The following MCM5 variants were observed in gnomAD, a reference collection of about 807,000 sequenced individuals.
The protein encoded by MCM5 is DNA replication licensing factor MCM5.
MCM5 carries 46 observed loss-of-function variants against 79.9 expected under a neutral mutation model. The ratio of observed to expected loss-of-function variants is 0.58; its 90% CI spans 0.45 to 0.74. The LOEUF (loss-of-function observed/expected upper bound fraction) is 0.74. Ranked by LOEUF, MCM5 falls within the 30% of genes least tolerant of loss-of-function variation. MCM5 has a pLI of 0.00. For synonymous variants in MCM5, 404 were observed against 390.5 expected (o/e 1.03, Z -0.41); for missense variants, 883 against 1,017.0 (o/e 0.87, Z 1.79).
chr22:35,450,513 C>T, the MCM5 span, among the ~76,000 whole-genome samples: 1 of 152,202 alleles, frequency 6.6e-6, no homozygotes, highest in Non-Finnish European at 1.5e-5. Context: ...ACTCGCCCGC[C>T]TGACTCCGCC....
At chr22:35,448,927 T>C in the MCM5 span, among the ~76,000 whole-genome samples, 1 of 152,126 alleles carries the variant, frequency 6.6e-6, no homozygotes, top group African/African-American at 2.4e-5. Flanking sequence ...AATGGGGACC[T>C]GTAATGCCCA....
chr22:35,436,459 A>T, the MCM5 span, among the ~76,000 whole-genome samples: 1 of 152,202 alleles, frequency 6.6e-6, no homozygotes, highest in African/African-American at 2.4e-5. Context: ...GCAAGGCTTT[A>T]TTGAAAGCTG....
chr22:35,430,451 A>G, the MCM5 span, among the ~76,000 whole-genome samples: 1 of 151,632 alleles, frequency 6.6e-6, no homozygotes, highest in Admixed American at 6.6e-5. Context: ...AAGCTTCTGA[A>G]CACTTAATGC....
downstream of MCM5, among the ~76,000 whole-genome samples, chr22:35,430,011 A>C (rs576694940): frequency 1.3e-5 from 2 of 152,210 alleles, no homozygotes; most frequent in African/African-American, 4.8e-5. Flanking sequence ...AAAGTCTTGC[A>C]TCCCAGGAGC....
chr22:35,452,965 A>G, the MCM5 span, among the ~76,000 whole-genome samples: 4 of 151,924 alleles, frequency 2.6e-5, no homozygotes, highest in African/African-American at 9.7e-5. Context: ...TGCTTTGCAG[A>G]TGAGGAAACT....
At chr22:35,442,319 C>A in the MCM5 span, among the ~76,000 whole-genome samples, 5 of 151,764 alleles carry the variant, frequency 3.3e-5, no homozygotes, top group African/African-American at 7.3e-5. Flanking sequence ...GCCTAGGGGG[C>A]CGACATCCAT....
At chr22:35,451,955 G>A in the MCM5 span, among the ~76,000 whole-genome samples, 8 of 152,342 alleles carry the variant, frequency 5.3e-5, no homozygotes, top group Admixed American at 2.0e-4. Context: ...CCTTTCAGGT[G>A]CCTGATCCTG....
intron 8 of MCM5, 51 bp from the exon 9 acceptor site, chr22:35,413,824 T>TG (rs1185872349): frequency 9.6e-7 from 1 of 1,045,106 alleles, no homozygotes; most frequent in Admixed American, 1.7e-5. Flanking sequence ...GGATGTCACA[T>TG]GCGATGCCCT....
chr22:35,418,622 T>C (rs1932609102), intron 13 of MCM5, among the ~76,000 whole-genome samples: 1 of 151,530 alleles, frequency 6.6e-6, no homozygotes, highest in Non-Finnish European at 1.5e-5. Context: ...ATCGTGCCAT[T>C]GCACTTCAGC....
Position 35,412,524 on chromosome 22 carries a change from G to A in MCM5, c.934G>A (p.Gly312Arg), listed in dbSNP as rs974904284. The change falls in exon 8 of 17, where the codon GGG (glycine) becomes AGG (arginine). Residue 312 changes from glycine (G) to arginine (R), a missense_variant. By Grantham distance (125) the Gly-to-Arg change is moderately radical. Coordinates refer to ENST00000216122, the MANE Select transcript of MCM5 (RefSeq NM_006739.4). ...DTDGSGRSFA[G>R]AVSPQEEEEF... ...TGCCTACCAAGGCCGCAGCTTTGCT[G>A]GGGCCGTGAGCCCCCAGGAGGAGGA... 1 of 1,560,154 alleles carries A rather than the reference G, an allele frequency of 6.4e-7. No homozygotes were observed. The highest frequency in any genetic ancestry group is 8.7e-7 in the Non-Finnish European group (1 of 1,151,910).
chr22:35,412,979 T>C (rs1345600829), intron 8 of MCM5, among the ~76,000 whole-genome samples: 1 of 151,762 alleles, frequency 6.6e-6, no homozygotes, highest in African/African-American at 2.4e-5. Context: ...AGCACTGAGC[T>C]TGGGGTCAGT....
At chr22:35,414,169 T>C (rs1932470804) in intron 9 of MCM5, among the ~76,000 whole-genome samples, 183 bp downstream of exon 9, 1 of 152,026 alleles carries the variant, frequency 6.6e-6, no homozygotes. Context: ...CAGGTGTATG[T>C]AGGTTTGGGG....
the MCM5 span, among the ~76,000 whole-genome samples, chr22:35,446,519 C>A: frequency 6.6e-6 from 1 of 152,102 alleles, no homozygotes; most frequent in Non-Finnish European, 1.5e-5. Context: ...AGCGAGTGGA[C>A]GAGCAGATGA....
rs1932286501 is a variant in MCM5 at position 35,408,565 on chromosome 22, T to C, written c.752+2T>C. On this transcript the variant is annotated splice_donor_variant, in intron 6 of 16. Transcript: ENST00000216122. LOFTEE classifies it high-confidence loss of function. ...ACACATGCAGCTCTACTGCGACAGG[T>C]GAGGCAGACGGGCTGGGAGGTGGGC... 6.2e-7 allele frequency: 1 copy of C among 1,602,558 alleles called. No homozygotes were observed. The highest frequency in any genetic ancestry group is 1.7e-5 in the Admixed American group (1 of 59,800).
chr22:35,407,773 C>G (rs1932259579), intron 5 of MCM5, among the ~76,000 whole-genome samples: 2 of 152,312 alleles, frequency 1.3e-5, no homozygotes, highest in African/African-American at 4.8e-5. Context: ...CTTTTCTTCA[C>G]AGCATGTAGC....
chr22:35,453,347 A>T, the MCM5 span, among the ~76,000 whole-genome samples: 1 of 147,234 alleles, frequency 6.8e-6, no homozygotes, highest in Non-Finnish European at 1.5e-5. Context: ...AACGGGGCTG[A>T]GCAAGCGCGT....
At chr22:35,424,104 G>A (rs200904324) in intron 16 of MCM5, 50 bp from the exon 17 acceptor site, 28 of 1,277,528 alleles carry the variant, frequency 2.2e-5, no homozygotes, top group Admixed American at 1.5e-4. Context: ...GGGCTCTGTC[G>A]GAGTCCCCTC....
chr22:35,406,126 CA>C (rs1932203908), intron 4 of MCM5, among the ~76,000 whole-genome samples: 1 of 152,162 alleles, frequency 6.6e-6, no homozygotes, highest in Non-Finnish European at 1.5e-5. Flanking sequence ...GAAGACCACA[CA>C]GCAGGTTTTG....
chr22:35,452,381 C>T, the MCM5 span, among the ~76,000 whole-genome samples: 1 of 152,178 alleles, frequency 6.6e-6, no homozygotes, highest in East Asian at 1.9e-4. Context: ...TACAGTAGGA[C>T]GTAGGCTCCA....
Sources: gnomAD v4.1 joint callset for allele counts (sites outside exome capture counted in the v4.1 genomes callset) on GRCh38, gnomAD v4.1.1 for gene constraint, MANE v1.5 for transcripts, NCBI Gene and HGNC (gene_info 2026-07-23, HGNC 2026-07-21) for gene names.